The following ARID1B variants were observed in gnomAD, a reference collection of about 807,000 sequenced individuals.
The protein encoded by ARID1B is AT-rich interaction domain 1B.
Under a neutral mutation model 212.3 loss-of-function variants are expected in ARID1B, and 30 were observed. That is an observed-to-expected ratio of 0.14 (90% CI 0.11 to 0.19). ARID1B has a LOEUF of 0.19. Ranked by LOEUF, ARID1B falls within the 10% of genes least tolerant of loss-of-function variation. The probability of loss-of-function intolerance (pLI) is 1.00; values close to 1 mark genes in which losing one functional copy is unlikely to be tolerated. For missense variants in ARID1B, 2,891 were observed against 3,204.0 expected, an observed-to-expected ratio of 0.90 and a Z score of 2.36; for synonymous variants, 1,402 against 1,301.7, an observed-to-expected ratio of 1.08 and a Z score of -1.66.
At chr6:157,178,217 G>A (rs1792240628) in intron 11 of ARID1B, among the ~76,000 whole-genome samples, 1 of 152,032 alleles carries the variant, frequency 6.6e-6, no homozygotes, top group Non-Finnish European at 1.5e-5. Context: ...GTTAATTCCT[G>A]TTAGCATGTT....
At position 157,208,179 on chromosome 6, in the gene ARID1B, C is replaced by T. The variant is rs887533818; in HGVS notation, c.*288C>T. On this transcript the variant is annotated 3_prime_UTR_variant, in exon 20 of 20. Coordinates refer to ENST00000636930, the MANE Select transcript of ARID1B (RefSeq NM_001374828.1). ...TTCAAAGGTCACTTTTTGTTCTTCA[C>T]AGATCTTTTTAATGTTCTTTCCCAT... 3.3e-6 allele frequency: 1 copy of T among 299,768 alleles called. No individual in the cohort carries two copies. Among genetic ancestry groups the T allele is most frequent in the Non-Finnish European group, 6.1e-6 (1 of 164,142 alleles). 18.6% of individuals were successfully genotyped at this position (299,768 alleles called of 1,614,324 possible).
chr6:157,171,096 T>G (rs531129972), intron 9 of ARID1B, among the ~76,000 whole-genome samples: 2 of 152,362 alleles, frequency 1.3e-5, no homozygotes, highest in South Asian at 4.1e-4. Flanking sequence ...GGCATGAGTG[T>G]TGAAGTTCGG....
intron 2 of ARID1B, among the ~76,000 whole-genome samples, chr6:156,855,286 T>C (rs574538193): frequency 2.6e-5 from 4 of 152,344 alleles, no homozygotes; most frequent in Admixed American, 2.0e-4. Context: ...ACATTGTTTT[T>C]TGATTTTCGA....
intron 3 of ARID1B, among the ~76,000 whole-genome samples, chr6:156,908,210 T>G (rs551322258): frequency 7.9e-5 from 12 of 152,274 alleles, no homozygotes; most frequent in African/African-American, 2.9e-4. Context: ...CATTTAAAAT[T>G]TTTGATTTCA....
At chr6:156,789,044 C>T (rs908242168) in intron 1 of ARID1B, among the ~76,000 whole-genome samples, 11 of 152,168 alleles carry the variant, frequency 7.2e-5, no homozygotes, top group African/African-American at 2.7e-4. Flanking sequence ...CAAAGTGCAC[C>T]ATCTAAGAAG....
chr6:157,135,661 C>A (rs1456979598), intron 7 of ARID1B, among the ~76,000 whole-genome samples: 1 of 152,206 alleles, frequency 6.6e-6, no homozygotes, highest in African/African-American at 2.4e-5. Context: ...CGCCTTGGAG[C>A]CTCCTGTCCT....
In ARID1B at chr6:157,110,528, G is replaced by A. The variant is rs147784000; in HGVS notation, c.2548G>A (p.Ala850Thr). 5.4e-4 allele frequency: 876 copies of A among 1,614,022 alleles called. 3 individuals are homozygous for A. The highest frequency in any genetic ancestry group is 2.3e-3 in the Middle Eastern group (14 of 6,062). ...CCAGTCAGAATCCAGTTCCCATCCC[G>A]CCTTGAGCCAGTCACCAATGCCACA... Reference protein sequence around the residue: ...GSQSESSSHPALSQSPMPQER... With the variant: ...GSQSESSSHPTLSQSPMPQER... The change falls in exon 6 of 20, where the codon GCC becomes ACC. Residue 850 changes from alanine (A) to threonine (T), a missense_variant. Physicochemically the swap from Ala to Thr is moderately conservative, Grantham distance 58. Around this residue, in one of 7 missense-constraint regions of ARID1B, gnomAD observed 1,643 missense variants for 1,544.0 expected, o/e 1.06. Coordinates refer to ENST00000636930, the MANE Select transcript of ARID1B (RefSeq NM_001374828.1).
intron 4 of ARID1B, among the ~76,000 whole-genome samples, chr6:157,005,791 A>G (rs1310281842): frequency 6.6e-6 from 1 of 152,110 alleles, no homozygotes; most frequent in Non-Finnish European, 1.5e-5. Context: ...TGCTTTTTAG[A>G]AGTTTGGCCT....
At chr6:157,184,504 G>T in intron 13 of ARID1B, 69 bp downstream of exon 13, 1 of 1,579,334 alleles carries the variant, frequency 6.3e-7, no homozygotes. Context: ...TTCCGGGAAG[G>T]TGGTTTCACA....
chr6:156,960,075 C>T (rs1350139739), intron 4 of ARID1B, among the ~76,000 whole-genome samples: 2 of 152,028 alleles, frequency 1.3e-5, no homozygotes, highest in South Asian at 2.1e-4. Flanking sequence ...GGATTACAGG[C>T]ACGCACCACC....
At chr6:156,825,842 C>T (rs1231688522) in intron 1 of ARID1B, among the ~76,000 whole-genome samples, 1 of 152,014 alleles carries the variant, frequency 6.6e-6, no homozygotes, top group African/African-American at 2.4e-5. Context: ...TTTCATACTT[C>T]CATAAAAAGT....
intron 5 of ARID1B, among the ~76,000 whole-genome samples, chr6:157,093,040 C>T (rs1785376771): frequency 1.3e-5 from 2 of 152,184 alleles, no homozygotes; most frequent in Admixed American, 1.3e-4. Context: ...GCGTGTGCTG[C>T]CTCTGTGGAA....
intron 4 of ARID1B, among the ~76,000 whole-genome samples, chr6:157,048,481 A>G (rs1307179199): frequency 6.6e-6 from 1 of 152,236 alleles, no homozygotes; most frequent in Non-Finnish European, 1.5e-5. Context: ...TCACATTATA[A>G]CTTAAAATAA....
intron 2 of ARID1B, among the ~76,000 whole-genome samples, chr6:156,844,765 AG>A (rs1313435617): frequency 7.2e-5 from 11 of 152,290 alleles, no homozygotes; most frequent in African/African-American, 2.6e-4. Context: ...ATCAACTTTC[AG>A]TGTTTATGTT....
At position 157,200,750 on chromosome 6, in the gene ARID1B, C is replaced by A. The variant is rs760245781; in HGVS notation, c.4525C>A (p.Arg1509Ser). Reference sequence around the variant, plus strand: ...CGGCATGTACGGGCCCCCAGCCAAGCGCCACGAGGGCGACATGTACAACAT... The same window carrying A: ...CGGCATGTACGGGCCCCCAGCCAAGAGCCACGAGGGCGACATGTACAACAT... ...MDGMYGPPAK[R>S]HEGDMYNMQY... The change falls in exon 18 of 20, where the codon CGC (arginine) becomes AGC (serine). Residue 1509 changes from arginine to serine, a missense_variant. This residue lies in a region of ARID1B where 666 missense variants were observed against 873.5 expected (regional missense o/e 0.76). Coordinates refer to ENST00000636930, the MANE Select transcript of ARID1B (RefSeq NM_001374828.1). The surrounding 1 kb of genome is among the most constrained non-coding windows in gnomAD (Gnocchi z 4.3). The A allele has an allele frequency of 6.2e-7, 1 of 1,613,248 alleles. No homozygotes were observed. The highest frequency in any genetic ancestry group is 8.5e-7 in the Non-Finnish European group (1 of 1,179,726).
At chr6:157,102,358 A>G (rs1040234652) in intron 5 of ARID1B, among the ~76,000 whole-genome samples, 5 of 152,220 alleles carry the variant, frequency 3.3e-5, no homozygotes, top group African/African-American at 1.2e-4. Context: ...TCATTTATCT[A>G]AACATTTACC....
At chr6:156,975,189 C>T (rs994002045) in intron 4 of ARID1B, among the ~76,000 whole-genome samples, 2 of 152,122 alleles carry the variant, frequency 1.3e-5, no homozygotes, top group African/African-American at 2.4e-5. Context: ...TCTTTTGCAT[C>T]GTGGCCATTT....
intron 8 of ARID1B, among the ~76,000 whole-genome samples, chr6:157,164,089 T>G (rs1469163007): frequency 6.6e-6 from 1 of 152,200 alleles, no homozygotes; most frequent in East Asian, 1.9e-4. Flanking sequence ...AAATACTAAA[T>G]AAATTACTGT....
At chr6:156,841,117 G>A (rs1181662242) in intron 2 of ARID1B, among the ~76,000 whole-genome samples, 1 of 152,196 alleles carries the variant, frequency 6.6e-6, no homozygotes, top group African/African-American at 2.4e-5. Context: ...AACAGGGCCT[G>A]GAAGATGGGC....
Sources: gnomAD v4.1 joint callset for allele counts (sites outside exome capture counted in the v4.1 genomes callset) on GRCh38, gnomAD v4.1.1 for gene constraint, gnomAD v4.1.1 regional missense constraint, Gnocchi (gnomAD v3.1) non-coding constraint, MANE v1.5 for transcripts, NCBI Gene and HGNC (gene_info 2026-07-23, HGNC 2026-07-21) for gene names.